Variants in C12orf56 observed in about 807,000 individuals in gnomAD.
C12orf56 encodes chromosome 12 open reading frame 56.
In C12orf56, 71 loss-of-function variants were observed where a neutral mutation model predicts 69.9. The ratio of observed to expected loss-of-function variants is 1.02; its 90% CI spans 0.84 to 1.24. C12orf56 has a LOEUF of 1.24. Among genes scored for constraint, C12orf56 ranks in the 50% most tolerant of loss-of-function variants. The probability of loss-of-function intolerance (pLI) is 0.00; values close to 1 mark genes in which losing one functional copy is unlikely to be tolerated. For synonymous variants in C12orf56, 276 were observed against 274.1 expected (o/e 1.01, Z -0.07); for missense variants, 732 against 738.5 (o/e 0.99, Z 0.10).
At chr12:64,314,920 C>T (rs1313479479) in intron 4 of C12orf56, among the ~76,000 whole-genome samples, 1 of 138,384 alleles carries the variant, frequency 7.2e-6, no homozygotes, top group Non-Finnish European at 1.5e-5. Flanking sequence ...CAGGAGTGAG[C>T]CACCGCATCC....
chr12:64,351,349 G>T (rs2039219571), intron 2 of C12orf56, among the ~76,000 whole-genome samples: 1 of 152,076 alleles, frequency 6.6e-6, no homozygotes, highest in African/African-American at 2.4e-5. Flanking sequence ...ACACATTTTT[G>T]TCCCAAACTC....
intron 1 of C12orf56, among the ~76,000 whole-genome samples, chr12:64,387,679 G>A (rs1277921222): frequency 6.6e-6 from 1 of 151,904 alleles, no homozygotes; most frequent in Non-Finnish European, 1.5e-5. Context: ...AGGCATGGTG[G>A]CACGTGCCTG....
chr12:64,353,144 GT>G (rs376117595), intron 1 of C12orf56, 88 bp from the exon 2 acceptor site: 43,868 of 1,201,478 alleles, frequency 0.037, 839 homozygotes, highest in Admixed American at 0.073. Context: ...CTAACAGCAA[GT>G]TTTTTTTTTC....
chr12:64,381,103 G>T (rs1003117750), intron 1 of C12orf56, among the ~76,000 whole-genome samples: 32 of 152,004 alleles, frequency 2.1e-4, no homozygotes, highest in African/African-American at 7.5e-4. Context: ...CTGAGAATTC[G>T]GGGATTAGAG....
chr12:64,313,270 A>G (rs868306739), intron 4 of C12orf56, among the ~76,000 whole-genome samples: 1 of 33,186 alleles, frequency 3.0e-5, no homozygotes, highest in Non-Finnish European at 6.1e-5. Context: ...TCAAAAAAAA[A>G]AAAAAAAGAA....
chr12:64,314,043 CAA>C (rs762340003), intron 4 of C12orf56, among the ~76,000 whole-genome samples: 213 of 67,116 alleles, frequency 3.2e-3, no homozygotes, highest in African/African-American at 9.7e-3. Flanking sequence ...AACTCTGTCT[CAA>C]AAAAAAAAAA....
chr12:64,297,959 A>G (rs1377291746), intron 6 of C12orf56, among the ~76,000 whole-genome samples: 1 of 152,224 alleles, frequency 6.6e-6, no homozygotes, highest in African/African-American at 2.4e-5. Context: ...TGGAATCGCC[A>G]CACTGCCTTC....
intron 1 of C12orf56, among the ~76,000 whole-genome samples, chr12:64,358,988 G>C (rs929036064): frequency 2.0e-5 from 3 of 152,036 alleles, no homozygotes; most frequent in African/African-American, 7.2e-5. Flanking sequence ...CTCCAAAATA[G>C]GGCGCTTCAC....
At chr12:64,334,914 G>T (rs1344799186) in intron 2 of C12orf56, among the ~76,000 whole-genome samples, 1 of 152,100 alleles carries the variant, frequency 6.6e-6, no homozygotes, top group Non-Finnish European at 1.5e-5. Flanking sequence ...AGTTACCTGT[G>T]TCTATTTAAA....
intron 1 of C12orf56, among the ~76,000 whole-genome samples, chr12:64,387,619 C>T (rs946172142): frequency 6.6e-6 from 1 of 152,080 alleles, no homozygotes; most frequent in African/African-American, 2.4e-5. Context: ...GCCCAGCAGC[C>T]TGGGCAACAT....
intron 2 of C12orf56, among the ~76,000 whole-genome samples, chr12:64,334,595 CTG>C (rs1343021944): frequency 5.9e-5 from 9 of 152,150 alleles, no homozygotes; most frequent in Non-Finnish European, 1.2e-4. Context: ...AGAAAATAGT[CTG>C]TACATGTACA....
intron 2 of C12orf56, chr12:64,338,722 A>G: frequency 6.6e-7 from 1 of 1,516,542 alleles, no homozygotes. Flanking sequence ...CTGCTTTCTC[A>G]TTGGCTTCTT....
At chr12:64,341,914 A>G (rs1011284694) in intron 2 of C12orf56, among the ~76,000 whole-genome samples, 1 of 151,940 alleles carries the variant, frequency 6.6e-6, no homozygotes, top group African/African-American at 2.4e-5. Context: ...CCCATGCATA[A>G]CCTCCATCCC....
At chr12:64,350,093 GAAAAAAA>G (rs200890156) in intron 2 of C12orf56, among the ~76,000 whole-genome samples, 4 of 119,526 alleles carry the variant, frequency 3.3e-5, no homozygotes, top group East Asian at 2.4e-4. Context: ...CTCAGTCTCA[GAAAAAAA>G]AAAAAAAAAA....
At chr12:64,360,420 A>T (rs1373069582) in intron 1 of C12orf56, among the ~76,000 whole-genome samples, 1 of 152,132 alleles carries the variant, frequency 6.6e-6, no homozygotes, top group Non-Finnish European at 1.5e-5. Context: ...GCAAGACTCC[A>T]TCTCAAAAAA....
intron 2 of C12orf56, among the ~76,000 whole-genome samples, chr12:64,349,793 G>C (rs2039196652): frequency 6.6e-6 from 1 of 152,046 alleles, no homozygotes; most frequent in South Asian, 2.1e-4. Context: ...GGATACAAAG[G>C]CATAAGAATG....
chr12:64,375,547 C>T (rs1161178545), intron 1 of C12orf56, among the ~76,000 whole-genome samples: 1 of 152,178 alleles, frequency 6.6e-6, no homozygotes, highest in Admixed American at 6.6e-5. Context: ...TCAAGAAGTT[C>T]TGCAAAGGAG....
intron 2 of C12orf56, among the ~76,000 whole-genome samples, chr12:64,351,870 G>GGA (rs1555192644): frequency 6.8e-6 from 1 of 147,216 alleles, no homozygotes; most frequent in Admixed American, 6.7e-5. Context: ...GACTCCTTTG[G>GGA]AAAAAAAAAA....
intron 11 of C12orf56, among the ~76,000 whole-genome samples, chr12:64,272,900 T>C (rs936243035): frequency 3.9e-5 from 6 of 152,306 alleles, no homozygotes; most frequent in South Asian, 2.1e-4. Flanking sequence ...ACATATGTCA[T>C]AGGGATCTGA....
Sources: gnomAD v4.1 joint callset for allele counts (sites outside exome capture counted in the v4.1 genomes callset) on GRCh38, gnomAD v4.1.1 for gene constraint, MANE v1.5 for transcripts, NCBI Gene and HGNC (gene_info 2026-07-23, HGNC 2026-07-21) for gene names.